The following GBF1 variants were observed in gnomAD, a reference collection of about 807,000 sequenced individuals.
GBF1 encodes Golgi-specific brefeldin A-resistance guanine nucleotide exchange factor 1.
GBF1 carries 114 observed loss-of-function variants against 210.5 expected under a neutral mutation model. The observed-to-expected ratio is 0.54, with a 90% confidence interval of 0.47 to 0.63. The LOEUF is 0.63. GBF1 is among the 30% of genes least tolerant of loss of function. The pLI is 0.00. For missense variants in GBF1, 1,851 were observed against 2,357.7 expected, an observed-to-expected ratio of 0.79 and a Z score of 4.45; for synonymous variants, 850 against 889.2, an observed-to-expected ratio of 0.96 and a Z score of 0.78.
intron 3 of GBF1, among the ~76,000 whole-genome samples, chr10:102,275,088 C>A (rs2074829537): frequency 6.6e-6 from 1 of 150,966 alleles, no homozygotes; most frequent in Non-Finnish European, 1.5e-5. Context: ...CTCCTGCCCT[C>A]AAGTGATCCA....
the GBF1 span, chr10:102,232,219 C>T: frequency 3.1e-6 from 2 of 654,968 alleles, no homozygotes; most frequent in East Asian, 2.7e-5. Context: ...GCTGGGGCTG[C>T]GTGGGGCTCC....
At chr10:102,362,050 CTTTTTTTTTTTTTT>C (rs1164670758) in intron 14 of GBF1, 138 bp downstream of exon 14, 2 of 124,748 alleles carry the variant, frequency 1.6e-5, no homozygotes, top group East Asian at 2.7e-4. Context: ...CTTTTCTTTT[CTTTTTTTTTTTTTT>C]TTTTTTTTTT....
intron 3 of GBF1, among the ~76,000 whole-genome samples, chr10:102,288,737 A>AC (rs1485195700): frequency 2.7e-5 from 3 of 111,032 alleles, no homozygotes; most frequent in Non-Finnish European, 6.1e-5. Context: ...AAAAAAAAAC[A>AC]AAAAAAAAAA....
upstream of GBF1, among the ~76,000 whole-genome samples, chr10:102,245,171 G>A (rs1809268745): frequency 6.6e-6 from 1 of 152,092 alleles, no homozygotes; most frequent in Admixed American, 6.5e-5. Flanking sequence ...TCTCAAAGCG[G>A]ACCCCGCCCC....
chr10:102,340,394 T>G (rs2058098590), intron 3 of GBF1, among the ~76,000 whole-genome samples: 1 of 149,760 alleles, frequency 6.7e-6, no homozygotes, highest in African/African-American at 2.5e-5. Flanking sequence ...TGCCTCAGCC[T>G]TCCTGAGTAG....
At chr10:102,365,810 C>T (rs999287741) in intron 18 of GBF1, among the ~76,000 whole-genome samples, 3 of 152,280 alleles carry the variant, frequency 2.0e-5, no homozygotes, top group African/African-American at 7.2e-5. Flanking sequence ...GTTCAGGAGG[C>T]TGAGGCAGGA....
chr10:102,372,450 G>A (rs1244799031), intron 29 of GBF1, among the ~76,000 whole-genome samples: 2 of 152,102 alleles, frequency 1.3e-5, no homozygotes, highest in Non-Finnish European at 2.9e-5. Context: ...GGGAGGCAGA[G>A]GTTGTAGTAA....
intron 3 of GBF1, among the ~76,000 whole-genome samples, chr10:102,291,229 C>T (rs906614187): frequency 3.9e-5 from 6 of 152,156 alleles, no homozygotes; most frequent in African/African-American, 1.4e-4. Context: ...TGGTCTGAGA[C>T]TATGGGCTAT....
chr10:102,313,325 C>T (rs190620477), intron 3 of GBF1, among the ~76,000 whole-genome samples: 4 of 152,138 alleles, frequency 2.6e-5, no homozygotes, highest in Non-Finnish European at 4.4e-5. Context: ...AAGTGATTTA[C>T]GAGGTGTGGG....
At chr10:102,295,873 A>G (rs2076867456) in intron 3 of GBF1, among the ~76,000 whole-genome samples, 1 of 152,216 alleles carries the variant, frequency 6.6e-6, no homozygotes, top group African/African-American at 2.4e-5. Flanking sequence ...ATTCCATTGA[A>G]TAAATATGTA....
At chr10:102,252,278 C>G (rs2071639699) in intron 1 of GBF1, among the ~76,000 whole-genome samples, 1 of 149,970 alleles carries the variant, frequency 6.7e-6, no homozygotes, top group South Asian at 2.1e-4. Flanking sequence ...GCAGAGGTTA[C>G]GGTGAGCCGA....
intron 3 of GBF1, among the ~76,000 whole-genome samples, chr10:102,339,113 A>G (rs1028114375): frequency 2.0e-5 from 3 of 152,240 alleles, no homozygotes; most frequent in African/African-American, 7.2e-5. Context: ...CTATAATCCC[A>G]GCACTTTGGA....
intron 4 of GBF1, among the ~76,000 whole-genome samples, chr10:102,344,878 T>G (rs1841408963): frequency 6.6e-6 from 1 of 152,224 alleles, no homozygotes; most frequent in Non-Finnish European, 1.5e-5. Context: ...TTAATTGTCC[T>G]TCCTGTACTT....
At chr10:102,236,014 A>G in the GBF1 span, among the ~76,000 whole-genome samples, 1 of 152,194 alleles carries the variant, frequency 6.6e-6, no homozygotes, top group Non-Finnish European at 1.5e-5. Context: ...ACAGCTGAGA[A>G]GGGACCTGAC....
chr10:102,268,108 T>C (rs1348601302), intron 3 of GBF1, among the ~76,000 whole-genome samples: 2 of 152,232 alleles, frequency 1.3e-5, no homozygotes, highest in Non-Finnish European at 2.9e-5. Context: ...CCCCAGATGA[T>C]TTATGAATGC....
At position 102,370,825 on chromosome 10, in the gene GBF1, A is replaced by G. The variant is rs574491350; in HGVS notation, c.3625A>G (p.Ile1209Val). 1 of 1,614,152 alleles carries G rather than the reference A, an allele frequency of 6.2e-7. No homozygotes were observed. Among genetic ancestry groups the G allele is most frequent in the East Asian group, 2.2e-5 (1 of 44,890 alleles). Residue 1209 changes from isoleucine (I) to valine (V), a missense_variant, in exon 29 of 40, where the codon ATT (isoleucine) becomes GTT (valine). By Grantham distance (29) the Ile-to-Val change is conservative. Transcript: ENST00000369983. ...RAVVGLLRLA[I>V]RLLRREEISA... ...AGTGGTGGGGTTGCTACGCCTGGCC[A>G]TTCGGCTTCTCCGGAGAGAAGAGAT...
At chr10:102,365,122 T>C (rs1316604245) in intron 17 of GBF1, among the ~76,000 whole-genome samples, 1 of 152,222 alleles carries the variant, frequency 6.6e-6, no homozygotes, top group Non-Finnish European at 1.5e-5. Flanking sequence ...TTCTTCTACT[T>C]TTCCCCCAAT....
intron 1 of GBF1, among the ~76,000 whole-genome samples, chr10:102,247,657 T>TA (rs1034539072): frequency 2.4e-4 from 36 of 152,194 alleles, no homozygotes; most frequent in African/African-American, 8.2e-4. Flanking sequence ...TTCTTTTTTT[T>TA]AATCCTAAAT....
chr10:102,359,604 G>A (rs924130877), intron 11 of GBF1, among the ~76,000 whole-genome samples, 169 bp downstream of exon 11: 3 of 152,000 alleles, frequency 2.0e-5, no homozygotes, highest in Non-Finnish European at 4.4e-5. Flanking sequence ...TGGCATGGAG[G>A]GAGCCCTTCC....
Sources: gnomAD v4.1 joint callset for allele counts (sites outside exome capture counted in the v4.1 genomes callset) on GRCh38, gnomAD v4.1.1 for gene constraint, MANE v1.5 for transcripts, NCBI Gene and HGNC (gene_info 2026-07-23, HGNC 2026-07-21) for gene names.